SCIN: variants seen among roughly 807,000 people sequenced by gnomAD.
SCIN encodes adseverin.
Under a neutral mutation model 91.8 loss-of-function variants are expected in SCIN, and 91 were observed. That is an observed-to-expected ratio of 0.99 (90% CI 0.84 to 1.18). The LOEUF (loss-of-function observed/expected upper bound fraction) is 1.18. Among genes scored for constraint, SCIN ranks in the 50% most tolerant of loss-of-function variants. The pLI is 0.00. For missense variants in SCIN, 1,087 were observed against 863.9 expected (o/e 1.26, Z -3.24); for synonymous variants, 367 against 312.6 (o/e 1.17, Z -1.84).
intron 11 of SCIN, among the ~76,000 whole-genome samples, chr7:12,641,836 C>G (rs1413668699): frequency 6.6e-6 from 1 of 152,010 alleles, no homozygotes; most frequent in Non-Finnish European, 1.5e-5. Context: ...CCCAGCACCC[C>G]CTTCTCTCTA....
At position 12,640,663 on chromosome 7, in the gene SCIN, T is replaced by C. The variant is rs143870972; in HGVS notation, c.1581+146T>C. The C allele has an allele frequency of 4.0e-6, 3 of 757,928 alleles. No individual in the cohort carries two copies. In the Admixed American group the frequency reaches 1.2e-4, roughly 31 times the overall value. The allele number at this position is 757,928 out of a possible 1,614,324, so 47.0% of individuals were successfully genotyped here. A position where few individuals can be genotyped will look rare whatever the true frequency, so the allele number is the denominator to read the frequency against. The stretch of plus-strand genomic sequence containing the variant: ...TCCACTGTTCAAAATTTTAAAAACA[T>C]TTAAAGCAGGAGAGTTGAGTAAAAA... On this transcript the variant is annotated intron_variant, in intron 11 of 15. Transcript: ENST00000297029.
intron 2 of SCIN, among the ~76,000 whole-genome samples, chr7:12,580,112 A>T (rs1782457559): frequency 6.6e-6 from 1 of 152,144 alleles, no homozygotes; most frequent in African/African-American, 2.4e-5. Context: ...GTGGAAATTT[A>T]AAATCAATGG....
chr7:12,635,600 G>A (rs849761), intron 9 of SCIN, among the ~76,000 whole-genome samples: 104,646 of 117,488 alleles, frequency 0.89, 46,638 homozygotes, highest in Non-Finnish European at 0.91. Context: ...CGACAGTGCA[G>A]GACTCCGTCT....
chr7:12,594,542 T>TA (rs925138393), intron 3 of SCIN, among the ~76,000 whole-genome samples: 1 of 152,094 alleles, frequency 6.6e-6, no homozygotes, highest in Non-Finnish European at 1.5e-5. Context: ...GTCCAATTGG[T>TA]ATTGAGGCCA....
chr7:12,605,591 A>C (rs2115251533), intron 4 of SCIN, among the ~76,000 whole-genome samples: 1 of 152,298 alleles, frequency 6.6e-6, no homozygotes, highest in East Asian at 1.9e-4. Context: ...AAATTTATAC[A>C]ATATTTTAAA....
rs1478420669 is a variant in SCIN at position 12,652,837 on chromosome 7, CTCACACCTGTAAT to C, written c.*123_*135del. On this transcript the variant is annotated 3_prime_UTR_variant, in exon 16 of 16. Coordinates refer to ENST00000297029, the MANE Select transcript of SCIN (RefSeq NM_001112706.3). ...TGAAAATTAAGGCTGGGCGCGGTGG[CTCACACCTGTAAT>C]CCCAGCACTTTGAGAGGATGAGGTA... The C allele has an allele frequency of 4.1e-6, 5 of 1,214,456 alleles. No homozygotes were observed. Among genetic ancestry groups the C allele is most frequent in the Non-Finnish European group, 5.7e-6 (5 of 872,850 alleles). The allele number at this position is 1,214,456 out of a possible 1,614,324, so 75.2% of individuals were successfully genotyped here. A position where few individuals can be genotyped will look rare whatever the true frequency, so the allele number is the denominator to read the frequency against.
Position 12,651,060 on chromosome 7 carries a change from A to G in SCIN, c.1960-781A>G, listed in dbSNP as rs1201902581. On this transcript the variant is annotated intron_variant, in intron 14 of 15. Coordinates refer to ENST00000297029, the MANE Select transcript of SCIN (RefSeq NM_001112706.3). The surrounding 1 kb of genome is among the most constrained non-coding windows in gnomAD (Gnocchi z 5.9). The stretch of plus-strand genomic sequence containing the variant: ...AATAGGAGAAAAGGCATACAAATAT[A>G]TTAATGTTCACAGGAGTCATACAGA... 2.6e-5 allele frequency among the ~76,000 whole-genome samples: 4 copies of G among 152,196 alleles called. No individual in the cohort carries two copies. The highest frequency in any genetic ancestry group is 5.9e-5 in the Non-Finnish European group (4 of 68,036).
rs1052575558 is a variant in SCIN at position 12,652,156 on chromosome 7, T to A, written c.2020+255T>A. On this transcript the variant is annotated intron_variant, in intron 15 of 15. Transcript: ENST00000297029. ...ATTTAATCTGAAAACTTAAATTAATTTCAACCCTTGTTTTATTATAAGAGT... is the reference window on the plus strand; with the variant it reads ...ATTTAATCTGAAAACTTAAATTAATATCAACCCTTGTTTTATTATAAGAGT... Among the ~76,000 whole-genome samples, 4 of 152,222 alleles carry A rather than the reference T, an allele frequency of 2.6e-5. No individual in the cohort carries two copies. In the South Asian group the frequency reaches 8.3e-4, roughly 32 times the overall value.
intron 14 of SCIN, 42 bp downstream of exon 14, chr7:12,649,586 G>T (rs373882540): frequency 2.6e-5 from 35 of 1,359,432 alleles, no homozygotes; most frequent in Non-Finnish European, 3.6e-5. Context: ...TGCATTTTTG[G>T]TTGGGAGATG....
intron 3 of SCIN, among the ~76,000 whole-genome samples, chr7:12,592,215 T>C (rs1042181993): frequency 6.6e-6 from 1 of 151,604 alleles, no homozygotes; most frequent in African/African-American, 2.4e-5. Context: ...TAGAGGGTGG[T>C]GTTGGTAGCG....
At chr7:12,624,866 T>A (rs747769378) in intron 5 of SCIN, 144 bp from the exon 6 acceptor site, 14 of 674,548 alleles carry the variant, frequency 2.1e-5, no homozygotes, top group Non-Finnish European at 2.7e-5. Flanking sequence ...TTATACACCA[T>A]AAAATTCTTG....
chr7:12,649,405 T>G (rs891325003), intron 13 of SCIN, 62 bp from the exon 14 acceptor site: 13 of 1,053,004 alleles, frequency 1.2e-5, no homozygotes, highest in Non-Finnish European at 1.8e-5. Context: ...GGCATTTCTA[T>G]CCTATGTATT....
chr7:12,612,793 T>A (rs1562615284), intron 4 of SCIN, among the ~76,000 whole-genome samples: 1 of 152,320 alleles, frequency 6.6e-6, no homozygotes, highest in East Asian at 1.9e-4. Context: ...TGAACAAAGA[T>A]AAGAAATTCA....
At chr7:12,576,073 C>T (rs1990224) in intron 1 of SCIN, among the ~76,000 whole-genome samples, 74,195 of 152,000 alleles carry the variant, frequency 0.49, 18,270 homozygotes, top group Middle Eastern at 0.55. Context: ...AGGTTTCAAC[C>T]TGTAGTCAGG....
intron 4 of SCIN, among the ~76,000 whole-genome samples, chr7:12,620,135 A>C (rs1312637576): frequency 6.6e-6 from 1 of 152,034 alleles, no homozygotes; most frequent in Non-Finnish European, 1.5e-5. Flanking sequence ...TTTTGATAGA[A>C]GTATAAGTTG....
At position 12,655,025 on chromosome 7, in the gene SCIN, G is replaced by A. The variant is rs1784144656; in HGVS notation, c.*2310G>A. On this transcript the variant is annotated 3_prime_UTR_variant, in exon 16 of 16. Coordinates refer to ENST00000297029, the MANE Select transcript of SCIN (RefSeq NM_001112706.3). ...TTTCTTCAGTATCCGCGGGAGATTG[G>A]CTCGAGGAACCCCATGGATACCAAC... The A allele has an allele frequency of 2.0e-5, 3 of 152,102 alleles. No homozygotes were observed. In the South Asian group the frequency reaches 6.2e-4, roughly 32 times the overall value. 9.4% of individuals were successfully genotyped at this position (152,102 alleles called of 1,614,324 possible).
At chr7:12,572,610 A>G (rs928816091) in intron 1 of SCIN, among the ~76,000 whole-genome samples, 1 of 152,220 alleles carries the variant, frequency 6.6e-6, no homozygotes, top group African/African-American at 2.4e-5. Context: ...CTTTAATTCT[A>G]TACATTTTTA....
intron 4 of SCIN, among the ~76,000 whole-genome samples, chr7:12,616,211 G>A (rs1437544704): frequency 6.6e-6 from 1 of 152,144 alleles, no homozygotes; most frequent in Non-Finnish European, 1.5e-5. Context: ...ACACTGTAGT[G>A]AAGCCCCAGC....
At chr7:12,633,012 G>A (rs955271462) in intron 9 of SCIN, among the ~76,000 whole-genome samples, 1 of 152,136 alleles carries the variant, frequency 6.6e-6, no homozygotes, top group African/African-American at 2.4e-5. Context: ...ATGGTTTGTG[G>A]AACTTCAAAA....
Sources: gnomAD v4.1 joint callset for allele counts (sites outside exome capture counted in the v4.1 genomes callset) on GRCh38, gnomAD v4.1.1 for gene constraint, Gnocchi (gnomAD v3.1) non-coding constraint, MANE v1.5 for transcripts, NCBI Gene and HGNC (gene_info 2026-07-23, HGNC 2026-07-21) for gene names.